Variants in ABCC11 observed in about 807,000 individuals in gnomAD.
ABCC11 encodes ATP binding cassette subfamily C member 11.
A neutral mutation model predicts 149.3 loss-of-function variants in ABCC11; 135 were observed. The observed-to-expected ratio is 0.90, with a 90% confidence interval of 0.79 to 1.04. ABCC11 has a LOEUF of 1.04. Ranked by LOEUF, ABCC11 falls within the 50% of genes least tolerant of loss-of-function variation. The pLI is 0.00. For synonymous variants in ABCC11, 665 were observed against 671.4 expected (o/e 0.99, Z 0.15); for missense variants, 1,680 against 1,722.1 (o/e 0.98, Z 0.43).
At chr16:48,172,485 T>C (rs993869238) in intron 26 of ABCC11, among the ~76,000 whole-genome samples, 3 of 151,470 alleles carry the variant, frequency 2.0e-5, no homozygotes, top group Non-Finnish European at 4.4e-5. Context: ...TGGAGTGCAG[T>C]GGTGCAAACA....
At chr16:48,171,353 G>A (rs2150715092) in intron 26 of ABCC11, among the ~76,000 whole-genome samples, 1 of 152,300 alleles carries the variant, frequency 6.6e-6, no homozygotes, top group South Asian at 2.1e-4. Flanking sequence ...GCTACCATGG[G>A]AGACGTGCGG....
In ABCC11 at chr16:48,167,701, C is replaced by T. The variant is rs762844378; in HGVS notation, c.3892-41G>A. 2.5e-6 allele frequency: 4 copies of T among 1,606,926 alleles called. No individual in the cohort carries two copies. The East Asian group carries it at 8.9e-5, about 36-fold the overall frequency. Reference sequence around the variant, plus strand: ...CAGGGGTGAAGGTGTCTACTTCAGGCCCTAGAGACCTGGGTCTAGCCCTGG... The same window carrying T: ...CAGGGGTGAAGGTGTCTACTTCAGGTCCTAGAGACCTGGGTCTAGCCCTGG... On this transcript the variant is annotated intron_variant, in intron 28 of 29. Coordinates refer to ENST00000356608, the MANE Select transcript of ABCC11 (RefSeq NM_001370497.1).
chr16:48,210,987 C>T lies in ABCC11; in HGVS notation c.1569G>A (p.Leu523=), dbSNP rs1447099338. The T allele has an allele frequency of 1.2e-6, 2 of 1,614,220 alleles. No individual in the cohort carries two copies. Among genetic ancestry groups the T allele is most frequent in the East Asian group, 2.2e-5 (1 of 44,878 alleles). Residue 523 remains leucine (L), a synonymous_variant, in exon 11 of 30, where the codon CTG becomes CTA. Coordinates refer to ENST00000356608, the MANE Select transcript of ABCC11 (RefSeq NM_001370497.1). ...GGTTGATCTTGTGCAACTCTGGGCC[C>T]AGGCTGTTCCCTTCTTCCTCTGGCC... ...ALGPEEEGNS[L]GPELHKINLV... is the part of the protein sequence containing the mutation.
In ABCC11 at chr16:48,214,864, GC is replaced by G. The variant is rs1567270994; in HGVS notation, c.1248+16del. 6.2e-7 allele frequency: 1 copy of G among 1,612,298 alleles called. No homozygotes were observed. Among genetic ancestry groups the G allele is most frequent in the Non-Finnish European group, 8.5e-7 (1 of 1,179,432 alleles). The stretch of plus-strand genomic sequence containing the variant: ...CCAATCATGATGGGGAGAAAACAAA[GC>G]CCCCCAAACCCTTACCATTGACGCT... On this transcript the variant is annotated intron_variant, in intron 9 of 29. Coordinates refer to ENST00000356608, the MANE Select transcript of ABCC11 (RefSeq NM_001370497.1).
intron 28 of ABCC11, among the ~76,000 whole-genome samples, chr16:48,169,376 T>G (rs1257100531): frequency 1.3e-5 from 2 of 152,174 alleles, no homozygotes; most frequent in Non-Finnish European, 2.9e-5. Context: ...TAAGCCCATC[T>G]TGAATTAATT....
At chr16:48,213,331 C>A in intron 10 of ABCC11, 112 bp downstream of exon 10, 1 of 874,486 alleles carries the variant, frequency 1.1e-6, no homozygotes, top group Non-Finnish European at 1.8e-6. Flanking sequence ...TAGCTAATCC[C>A]TCTCTCGACC....
chr16:48,186,021 CT>C (rs1331268620), intron 22 of ABCC11, among the ~76,000 whole-genome samples: 3 of 152,290 alleles, frequency 2.0e-5, no homozygotes, highest in African/African-American at 7.2e-5. Flanking sequence ...TCCAGACTCT[CT>C]TCATCTGCTT....
intron 15 of ABCC11, among the ~76,000 whole-genome samples, chr16:48,198,866 G>A (rs376224344): frequency 1.5e-4 from 23 of 151,882 alleles, no homozygotes; most frequent in Admixed American, 9.9e-4. Flanking sequence ...GTGAAACCTC[G>A]TCTGTACTAC....
intron 23 of ABCC11, 97 bp from the exon 24 acceptor site, chr16:48,178,783 G>A: frequency 9.6e-7 from 1 of 1,043,494 alleles, no homozygotes; most frequent in Non-Finnish European, 1.5e-6. Flanking sequence ...TTGCCCCTGA[G>A]TGACCCCTGA....
chr16:48,191,696 G>A (rs1487912289), intron 20 of ABCC11, among the ~76,000 whole-genome samples: 1 of 152,144 alleles, frequency 6.6e-6, no homozygotes, highest in Non-Finnish European at 1.5e-5. Flanking sequence ...TCCTGAAGCT[G>A]GAAACCATCA....
chr16:48,239,479 G>A (rs1010200458), intron 1 of ABCC11, among the ~76,000 whole-genome samples: 2 of 149,752 alleles, frequency 1.3e-5, no homozygotes, highest in Middle Eastern at 3.2e-3. Context: ...GGAGAATGGC[G>A]TGAACCCAGG....
chr16:48,225,099 C>T (rs1295007787), intron 4 of ABCC11, among the ~76,000 whole-genome samples: 1 of 150,054 alleles, frequency 6.7e-6, no homozygotes, highest in Non-Finnish European at 1.5e-5. Context: ...GTAGTCCCAG[C>T]TACTCGGGAG....
intron 1 of ABCC11, among the ~76,000 whole-genome samples, chr16:48,237,218 A>G (rs1970733198): frequency 6.6e-6 from 1 of 152,122 alleles, no homozygotes. Context: ...TGGGCCACAT[A>G]TGTTTTATCT....
chr16:48,182,225 T>C (rs28397198), intron 23 of ABCC11, among the ~76,000 whole-genome samples: 1 of 152,350 alleles, frequency 6.6e-6, no homozygotes, highest in East Asian at 1.9e-4. Context: ...TACATACATG[T>C]GCTCCTGCAC....
intron 22 of ABCC11, among the ~76,000 whole-genome samples, chr16:48,185,193 A>C (rs533698457): frequency 2.8e-4 from 43 of 152,276 alleles, no homozygotes; most frequent in Non-Finnish European, 5.7e-4. Flanking sequence ...AAATTTTTAT[A>C]AGTACCAAGA....
intron 22 of ABCC11, among the ~76,000 whole-genome samples, chr16:48,186,395 C>CT (rs941358187): frequency 3.9e-5 from 6 of 152,194 alleles, no homozygotes; most frequent in South Asian, 2.1e-4. Context: ...CTGTTTCTCC[C>CT]TTTTTCCACC....
At chr16:48,199,920 C>G (rs200374545) in intron 15 of ABCC11, among the ~76,000 whole-genome samples, 3 of 152,074 alleles carry the variant, frequency 2.0e-5, no homozygotes, top group East Asian at 3.9e-4. Flanking sequence ...AAGCAGTCCT[C>G]CTGCCTTGGC....
chr16:48,211,225 G>A (rs1405782085), intron 10 of ABCC11, 26 bp from the exon 11 acceptor site: 1 of 1,609,372 alleles, frequency 6.2e-7, no homozygotes, highest in Admixed American at 1.7e-5. Context: ...AAAATAGAGG[G>A]AGGAGGAATA....
chr16:48,184,688 A>G, intron 22 of ABCC11, 62 bp from the exon 23 acceptor site: 1 of 1,540,260 alleles, frequency 6.5e-7, no homozygotes, highest in African/African-American at 1.4e-5. Context: ...TCCCCGGGTC[A>G]GGGTAGATAC....
Sources: gnomAD v4.1 joint callset for allele counts (sites outside exome capture counted in the v4.1 genomes callset) on GRCh38, gnomAD v4.1.1 for gene constraint, MANE v1.5 for transcripts, NCBI Gene and HGNC (gene_info 2026-07-23, HGNC 2026-07-21) for gene names.